Variants in CSMD1 observed in about 807,000 individuals in gnomAD.
The protein encoded by CSMD1 is CUB and sushi domain-containing protein 1.
CSMD1 carries 213 observed loss-of-function variants against 417.5 expected under a neutral mutation model. That is an observed-to-expected ratio of 0.51 (90% confidence interval 0.46 to 0.57). The LOEUF (loss-of-function observed/expected upper bound fraction) is 0.57, where lower values mean the gene tolerates loss of function less well. Ranked by LOEUF, CSMD1 falls within the 20% of genes least tolerant of loss-of-function variation. CSMD1 has a pLI of 0.00. For missense variants in CSMD1, 6,923 were observed against 4,529.7 expected (o/e 1.53, Z -15.17); for synonymous variants, 2,862 against 1,736.8 (o/e 1.65, Z -16.11).
At chr8:4,021,633 T>G (rs1049689170) in intron 4 of CSMD1, among the ~76,000 whole-genome samples, 1 of 152,192 alleles carries the variant, frequency 6.6e-6, no homozygotes, top group African/African-American at 2.4e-5. Flanking sequence ...CTGCTCTTTT[T>G]AAACTCTCTC....
chr8:3,260,904 A>G (rs1446781931), intron 26 of CSMD1, among the ~76,000 whole-genome samples: 1 of 152,206 alleles, frequency 6.6e-6, no homozygotes, highest in Non-Finnish European at 1.5e-5. Context: ...CGTATCTGAC[A>G]ACAGACTAGT....
chr8:3,152,845 A>G (rs551626081), intron 39 of CSMD1, among the ~76,000 whole-genome samples: 71 of 152,342 alleles, frequency 4.7e-4, no homozygotes, highest in African/African-American at 1.7e-3. Context: ...TGTGCGGAAG[A>G]CACACCAGCA....
intron 25 of CSMD1, among the ~76,000 whole-genome samples, chr8:3,302,581 G>C (rs1335616005): frequency 6.6e-6 from 1 of 152,176 alleles, no homozygotes; most frequent in East Asian, 1.9e-4. Flanking sequence ...CAAGTGCACT[G>C]ATCACTGGGA....
In CSMD1 at chr8:4,063,610, C is replaced by A. The variant is rs2740875; in HGVS notation, c.416-31511G>T. ...CACTGACAAGGTGCCACGTACGTTT[C>A]CAGTTCAGCGGCTTCCAGCAGTGGA... On this transcript the variant is annotated intron_variant, in intron 3 of 69. Coordinates refer to ENST00000635120, the MANE Select transcript of CSMD1 (RefSeq NM_033225.6). Among the ~76,000 whole-genome samples, 115 of 152,294 alleles carry A rather than the reference C, an allele frequency of 7.6e-4. 5 individuals are homozygous for A. In the East Asian group the frequency reaches 0.02, roughly 27 times the overall value.
chr8:4,456,550 T>G (rs1408762886), intron 2 of CSMD1, among the ~76,000 whole-genome samples: 3 of 152,180 alleles, frequency 2.0e-5, no homozygotes, highest in African/African-American at 7.2e-5. Flanking sequence ...GACACCACTT[T>G]GGGTAGAACT....
intron 37 of CSMD1, among the ~76,000 whole-genome samples, chr8:3,179,568 C>T (rs1821182089): frequency 6.6e-6 from 1 of 152,098 alleles, no homozygotes; most frequent in Non-Finnish European, 1.5e-5. Flanking sequence ...GTGCATATCT[C>T]ACTGTATATA....
intron 41 of CSMD1, among the ~76,000 whole-genome samples, chr8:3,141,673 A>C (rs1264506175): frequency 6.6e-6 from 1 of 152,048 alleles, no homozygotes; most frequent in Non-Finnish European, 1.5e-5. Flanking sequence ...ATCTGGCCCA[A>C]CCAGTTCTGC....
Position 3,520,307 on chromosome 8 carries a change from G to A in CSMD1, c.1345-26581C>T, listed in dbSNP as rs150618447. ...ACCTCCTCTATTCCAAAATGTTGAA[G>A]AACTGGCTTTGATATCAGTGACATA... On this transcript the variant is annotated intron_variant, in intron 10 of 69. Transcript: ENST00000635120. 2.0e-5 allele frequency among the ~76,000 whole-genome samples: 3 copies of A among 152,228 alleles called. No individual in the cohort carries two copies. In the East Asian group the frequency reaches 5.8e-4, roughly 29 times the overall value.
At chr8:3,446,355 T>C (rs909413718) in intron 12 of CSMD1, among the ~76,000 whole-genome samples, 1 of 152,250 alleles carries the variant, frequency 6.6e-6, no homozygotes, top group Non-Finnish European at 1.5e-5. Context: ...ATAGACTGTT[T>C]GCAAAATACA....
intron 18 of CSMD1, among the ~76,000 whole-genome samples, chr8:3,372,074 T>C (rs76587430): frequency 9.1e-4 from 139 of 152,228 alleles, no homozygotes; most frequent in African/African-American, 3.2e-3. Context: ...GCAGATGATA[T>C]ACAATATTGG....
intron 1 of CSMD1, among the ~76,000 whole-genome samples, chr8:4,911,190 G>A (rs1434774509): frequency 1.3e-5 from 2 of 152,164 alleles, no homozygotes; most frequent in Admixed American, 1.3e-4. Context: ...TAATACCAAT[G>A]CACATTAAAG....
At chr8:3,497,658 G>A (rs944658981) in intron 10 of CSMD1, among the ~76,000 whole-genome samples, 1 of 152,168 alleles carries the variant, frequency 6.6e-6, no homozygotes, top group African/African-American at 2.4e-5. Flanking sequence ...ACTATCTCTT[G>A]TAATGTCTTC....
intron 3 of CSMD1, among the ~76,000 whole-genome samples, chr8:4,112,137 T>A (rs897083308): frequency 6.6e-6 from 1 of 152,178 alleles, no homozygotes; most frequent in Non-Finnish European, 1.5e-5. Flanking sequence ...CCCTTCAAAG[T>A]GCTGGGCATC....
Position 4,108,270 on chromosome 8 carries a change from C to T in CSMD1, c.416-76171G>A, listed in dbSNP as rs192270895. On this transcript the variant is annotated intron_variant, in intron 3 of 69. Coordinates refer to ENST00000635120, the MANE Select transcript of CSMD1 (RefSeq NM_033225.6). ...TCTATAGGTTGAGTTGTTTCAAATG[C>T]TGTTGAATGATCTCTGGGAAGCCAG... Among the ~76,000 whole-genome samples the T allele has an allele frequency of 1.6e-4, 24 of 152,242 alleles. No individual in the cohort carries two copies. The East Asian group carries it at 3.9e-3, about 24-fold the overall frequency.
chr8:4,338,112 T>C (rs1800275904), intron 3 of CSMD1, among the ~76,000 whole-genome samples: 1 of 152,150 alleles, frequency 6.6e-6, no homozygotes, highest in South Asian at 2.1e-4. Context: ...TGGTGTACAA[T>C]TAATTTGAGA....
chr8:4,374,362 T>C (rs1169008298), intron 3 of CSMD1, among the ~76,000 whole-genome samples: 1 of 152,094 alleles, frequency 6.6e-6, no homozygotes, highest in Admixed American at 6.6e-5. Context: ...TGATTATAGG[T>C]GTCAGGGGAT....
At chr8:4,787,109 G>A (rs1797440503) in intron 1 of CSMD1, among the ~76,000 whole-genome samples, 2 of 152,162 alleles carry the variant, frequency 1.3e-5, no homozygotes, top group African/African-American at 2.4e-5. Context: ...CTCGGCCTCC[G>A]CTGGCTCAAC....
intron 2 of CSMD1, among the ~76,000 whole-genome samples, chr8:4,440,218 C>A (rs1248296250): frequency 6.6e-6 from 1 of 152,104 alleles, no homozygotes; most frequent in Non-Finnish European, 1.5e-5. Context: ...TTGAAATATG[C>A]CCTACCTATA....
At chr8:3,829,878 G>A (rs1802273700) in intron 5 of CSMD1, among the ~76,000 whole-genome samples, 2 of 152,022 alleles carry the variant, frequency 1.3e-5, no homozygotes, top group Non-Finnish European at 2.9e-5. Flanking sequence ...ACACTGTTAT[G>A]TGAACATCTA....
Sources: allele counts gnomAD v4.1 joint callset (sites outside exome capture counted in the v4.1 genomes callset), GRCh38; gene constraint gnomAD v4.1.1; transcripts MANE v1.5; gene names NCBI Gene and HGNC (gene_info 2026-07-23, HGNC 2026-07-21).